Variants in CADM2 observed in about 807,000 individuals in gnomAD.
The protein encoded by CADM2 is immunoglobulin superfamily member 4D.
In CADM2, 12 loss-of-function variants were observed where a neutral mutation model predicts 49.8. The ratio of observed to expected loss-of-function variants is 0.24; its 90% CI spans 0.15 to 0.39. The LOEUF (loss-of-function observed/expected upper bound fraction) is 0.39. Ranked by LOEUF, CADM2 falls within the 10% of genes least tolerant of loss-of-function variation. The pLI is 1.00. For synonymous variants in CADM2, 214 were observed against 175.4 expected (o/e 1.22, Z -1.74); for missense variants, 378 against 492.3 (o/e 0.77, Z 2.20).
At chr3:85,961,013 T>TTATA (rs5850722) in intron 7 of CADM2, among the ~76,000 whole-genome samples, 1 of 146,856 alleles carries the variant, frequency 6.8e-6, no homozygotes, top group African/African-American at 2.5e-5. Flanking sequence ...TTCATTATTA[T>TTATA]TATATATATT....
chr3:85,597,362 T>C (rs961324320), intron 1 of CADM2, among the ~76,000 whole-genome samples: 1 of 152,064 alleles, frequency 6.6e-6, no homozygotes, highest in African/African-American at 2.4e-5. Flanking sequence ...TTTATGTGCT[T>C]GTCTAGATAG....
At chr3:85,979,180 G>T in intron 8 of CADM2, 1 of 1,609,482 alleles carries the variant, frequency 6.2e-7, no homozygotes, top group Non-Finnish European at 8.5e-7. Flanking sequence ...CCAACACTTT[G>T]CTTCCCACTA....
chr3:86,035,756 T>A (rs1361344863), intron 8 of CADM2, among the ~76,000 whole-genome samples: 11 of 152,096 alleles, frequency 7.2e-5, no homozygotes. Context: ...AACCCAGCAA[T>A]CTTCCTAACT....
chr3:85,651,744 C>G (rs1409141399), intron 1 of CADM2, among the ~76,000 whole-genome samples: 2 of 151,978 alleles, frequency 1.3e-5, no homozygotes, highest in Non-Finnish European at 2.9e-5. Flanking sequence ...CAAACTCTGA[C>G]TACACCCTTG....
At chr3:85,173,602 G>T (rs1365545796) in intron 1 of CADM2, among the ~76,000 whole-genome samples, 1 of 152,018 alleles carries the variant, frequency 6.6e-6, no homozygotes, top group African/African-American at 2.4e-5. Context: ...AGTATATTTG[G>T]CTGCCCACAA....
chr3:85,739,057 C>A (rs2068267760), intron 2 of CADM2, among the ~76,000 whole-genome samples: 1 of 151,874 alleles, frequency 6.6e-6, no homozygotes, highest in Non-Finnish European at 1.5e-5. Context: ...TTAATTTTGG[C>A]AAAAAATTAC....
chr3:85,969,922 T>C (rs1429167700), intron 8 of CADM2, among the ~76,000 whole-genome samples: 3 of 150,318 alleles, frequency 2.0e-5, no homozygotes, highest in African/African-American at 7.3e-5. Flanking sequence ...TCTACATATA[T>C]ACACACATAT....
At chr3:85,586,182 G>T (rs1267958988) in intron 1 of CADM2, among the ~76,000 whole-genome samples, 2 of 152,028 alleles carry the variant, frequency 1.3e-5, no homozygotes, top group Non-Finnish European at 2.9e-5. Context: ...ACAACAGTCT[G>T]CTACAGCACG....
chr3:85,337,635 C>T (rs889895943), intron 1 of CADM2, among the ~76,000 whole-genome samples: 3 of 151,424 alleles, frequency 2.0e-5, no homozygotes, highest in Admixed American at 6.6e-5. Flanking sequence ...ATACTATTCA[C>T]CACTTTGAGA....
Position 85,163,454 on chromosome 3 carries a change from C to T in CADM2, c.61+203786C>T, listed in dbSNP as rs1010485258. Among the ~76,000 whole-genome samples, 5 of 152,008 alleles carry T rather than the reference C, an allele frequency of 3.3e-5. No homozygotes were observed. In the East Asian group the frequency reaches 7.7e-4, roughly 24 times the overall value. On this transcript the variant is annotated intron_variant, in intron 1 of 9. Coordinates refer to ENST00000383699, the MANE Select transcript of CADM2 (RefSeq NM_001167675.2). ...GAGTAGTATATCTCAGCCATAATAACGAAAAATTGGTATATCAGAAGCCAT... is the reference window on the plus strand; with the variant it reads ...GAGTAGTATATCTCAGCCATAATAATGAAAAATTGGTATATCAGAAGCCAT...
At chr3:85,353,564 A>T (rs73845439) in intron 1 of CADM2, among the ~76,000 whole-genome samples, 3,433 of 144,560 alleles carry the variant, frequency 0.024, 100 homozygotes, top group African/African-American at 0.074. Flanking sequence ...TTTTTTTTGC[A>T]GTGAGTTATT....
chr3:85,117,143 C>T (rs2038667339), intron 1 of CADM2, among the ~76,000 whole-genome samples: 1 of 152,118 alleles, frequency 6.6e-6, no homozygotes. Flanking sequence ...ATTACTTGAA[C>T]CCGGGAGGTG....
chr3:85,974,915 C>T (rs1018476206), intron 8 of CADM2, among the ~76,000 whole-genome samples: 5 of 151,468 alleles, frequency 3.3e-5, no homozygotes, highest in African/African-American at 1.2e-4. Flanking sequence ...TAATTTATTA[C>T]AATTCAAACT....
chr3:85,043,535 A>C (rs1465928802), intron 1 of CADM2, among the ~76,000 whole-genome samples: 1 of 151,934 alleles, frequency 6.6e-6, no homozygotes, highest in African/African-American at 2.4e-5. Flanking sequence ...AAATAAAATA[A>C]AATAGAAAAC....
chr3:85,033,169 G>A (rs1241225190), intron 1 of CADM2, among the ~76,000 whole-genome samples: 2 of 152,074 alleles, frequency 1.3e-5, no homozygotes, highest in Non-Finnish European at 2.9e-5. Context: ...AAGTCACGTT[G>A]TTTTTACAAA....
At position 85,870,248 on chromosome 3, in the gene CADM2, T is replaced by C. The variant is rs576271115; in HGVS notation, c.239-13043T>C. On this transcript the variant is annotated intron_variant, in intron 3 of 9. Coordinates refer to ENST00000383699, the MANE Select transcript of CADM2 (RefSeq NM_001167675.2). Reference sequence around the variant, plus strand: ...AACTTTTTGTTGTTGTTGATGATGATTTTTTTTTTTTAACTTTTACTTTAG... The same window carrying C: ...AACTTTTTGTTGTTGTTGATGATGACTTTTTTTTTTTAACTTTTACTTTAG... Among the ~76,000 whole-genome samples, 3 of 133,440 alleles carry C rather than the reference T, an allele frequency of 2.2e-5. No homozygotes were observed. In the East Asian group the frequency reaches 6.0e-4, roughly 26 times the overall value. 87.5% of individuals were successfully genotyped at this position (133,440 alleles called of 152,430 possible). A position where few individuals can be genotyped will look rare whatever the true frequency, so the allele number is the denominator to read the frequency against.
intron 1 of CADM2, among the ~76,000 whole-genome samples, chr3:85,621,087 G>A (rs2063962159): frequency 6.6e-6 from 1 of 152,014 alleles, no homozygotes; most frequent in African/African-American, 2.4e-5. Flanking sequence ...CCCTTACAAT[G>A]GAAGTATAGT....
chr3:84,990,889 A>T (rs958955428), intron 1 of CADM2, among the ~76,000 whole-genome samples: 1 of 152,146 alleles, frequency 6.6e-6, no homozygotes, highest in African/African-American at 2.4e-5. Flanking sequence ...CATCATATTG[A>T]TTAGGTATTT....
chr3:85,485,388 G>A (rs1261727467), intron 1 of CADM2, among the ~76,000 whole-genome samples: 2 of 152,080 alleles, frequency 1.3e-5, no homozygotes, highest in Admixed American at 6.6e-5. Context: ...CCAAAGCATT[G>A]TTAACTTCCA....
Sources: gnomAD v4.1 joint callset for allele counts (sites outside exome capture counted in the v4.1 genomes callset) on GRCh38, gnomAD v4.1.1 for gene constraint, MANE v1.5 for transcripts, NCBI Gene and HGNC (gene_info 2026-07-23, HGNC 2026-07-21) for gene names.